The following PTPRN2 variants were observed in gnomAD, a reference collection of about 807,000 sequenced individuals.
PTPRN2 encodes receptor-type tyrosine-protein phosphatase N2.
Under a neutral mutation model 118.8 loss-of-function variants are expected in PTPRN2, and 74 were observed. The ratio of observed to expected loss-of-function variants is 0.62; its 90% CI spans 0.52 to 0.76. The LOEUF is 0.76. Among genes scored for constraint, PTPRN2 ranks in the 30% least tolerant of loss-of-function variants. The probability of loss-of-function intolerance (pLI) is 0.00; values close to 1 mark genes in which losing one functional copy is unlikely to be tolerated. For synonymous variants in PTPRN2, 641 were observed against 608.0 expected (o/e 1.05, Z -0.80); for missense variants, 1,481 against 1,394.4 (o/e 1.06, Z -0.99).
At chr7:158,415,045 C>T (rs201484381) in intron 2 of PTPRN2, among the ~76,000 whole-genome samples, 149 of 19,594 alleles carry the variant, frequency 7.6e-3, no homozygotes, top group African/African-American at 0.026. Flanking sequence ...CCAGCTACTT[C>T]TCTGATGATA....
rs537620647 is a variant in PTPRN2, at chr7:158,208,616, C to T, written c.278-3343G>A. Among the ~76,000 whole-genome samples the T allele has an allele frequency of 4.6e-5, 7 of 152,232 alleles. No homozygotes were observed. The East Asian group carries it at 7.7e-4, about 17-fold the overall frequency. ...CAGACAAACAAAAGCTGAAGGATTCCATCAACAGCAGACCTGTCCTATAAG... is the reference window on the plus strand; with the variant it reads ...CAGACAAACAAAAGCTGAAGGATTCTATCAACAGCAGACCTGTCCTATAAG... On this transcript the variant is annotated intron_variant, in intron 3 of 22. Coordinates refer to ENST00000389418, the MANE Select transcript of PTPRN2 (RefSeq NM_002847.5).
rs149313027 is a variant in PTPRN2 at position 158,043,535 on chromosome 7, A to G, written c.1723+37763T>C. Among the ~76,000 whole-genome samples the G allele has an allele frequency of 5.8e-3, 878 of 152,240 alleles. 14 individuals are homozygous for G. The highest frequency in any genetic ancestry group is 0.02 in the African/African-American group (837 of 41,486). Reference sequence around the variant, plus strand: ...TCAACAAAAATACTCACCAACAATAATATCTCCCCAGCACCAAGCTCCTGC... The same window carrying G: ...TCAACAAAAATACTCACCAACAATAGTATCTCCCCAGCACCAAGCTCCTGC... On this transcript the variant is annotated intron_variant, in intron 11 of 22. Transcript: ENST00000389418.
chr7:157,851,596 C>A (rs929280668), intron 12 of PTPRN2, among the ~76,000 whole-genome samples: 1 of 151,226 alleles, frequency 6.6e-6, no homozygotes, highest in African/African-American at 2.5e-5. Context: ...GAGGGACTGG[C>A]CAGGGCACAC....
At chr7:157,858,092 ACACTC>A (rs1809883542) in intron 12 of PTPRN2, among the ~76,000 whole-genome samples, 1 of 99,472 alleles carries the variant, frequency 1.0e-5, no homozygotes, top group Non-Finnish European at 2.1e-5. Flanking sequence ...GTCACCACCC[ACACTC>A]CTGCAGGGAG....
chr7:157,960,745 G>T (rs1355951090), intron 11 of PTPRN2, among the ~76,000 whole-genome samples: 1 of 152,214 alleles, frequency 6.6e-6, no homozygotes, highest in Non-Finnish European at 1.5e-5. Flanking sequence ...GGTGGCTTAC[G>T]CCTGTAATCC....
chr7:158,490,487 G>C (rs1212250814), intron 1 of PTPRN2, among the ~76,000 whole-genome samples: 2 of 152,212 alleles, frequency 1.3e-5, no homozygotes, highest in African/African-American at 2.4e-5. Context: ...CATCCCCCGC[G>C]GCCGAGCAGG....
At chr7:158,074,587 C>T (rs1298729287) in intron 11 of PTPRN2, among the ~76,000 whole-genome samples, 1 of 152,062 alleles carries the variant, frequency 6.6e-6, no homozygotes, top group Non-Finnish European at 1.5e-5. Flanking sequence ...CCACCTGTGA[C>T]AGTCAGCCCC....
intron 1 of PTPRN2, among the ~76,000 whole-genome samples, chr7:158,497,164 GCCCCCTCCCCCTTCCCTGTA>G: frequency 8.9e-5 from 1 of 11,286 alleles, no homozygotes; most frequent in East Asian, 1.9e-3. Context: ...CCTTCCCTGA[GCCCCCTCCCCCTTCCCTGTA>G]CCCCTTCCCC....
At chr7:157,890,266 G>A (rs949499297) in intron 12 of PTPRN2, among the ~76,000 whole-genome samples, 3 of 152,130 alleles carry the variant, frequency 2.0e-5, no homozygotes, top group Non-Finnish European at 4.4e-5. Context: ...TGGAGTGTAC[G>A]TATATGAGTT....
Position 157,765,492 on chromosome 7 carries a change from CCCAT to C in PTPRN2, c.1789-82559_1789-82556del, listed in dbSNP as rs544548517. 5.5e-3 allele frequency among the ~76,000 whole-genome samples: 771 copies of C among 140,800 alleles called. 2 individuals are homozygous for C. Among genetic ancestry groups the C allele is most frequent in the Non-Finnish European group, 8.6e-3 (552 of 64,414 alleles). 92.4% of individuals were successfully genotyped at this position (140,800 alleles called of 152,430 possible). A position where few individuals can be genotyped will look rare whatever the true frequency, so the allele number is the denominator to read the frequency against. ...CTTCTTTCATCCACCCACACACCCA[CCCAT>C]CCATCCATCCTTCCTCCATCCATTC... On this transcript the variant is annotated intron_variant, in intron 12 of 22. Coordinates refer to ENST00000389418, the MANE Select transcript of PTPRN2 (RefSeq NM_002847.5).
intron 9 of PTPRN2, among the ~76,000 whole-genome samples, chr7:158,131,831 T>G (rs1035989410): frequency 7.0e-6 from 1 of 142,172 alleles, no homozygotes; most frequent in Admixed American, 7.0e-5. Context: ...AATACACACA[T>G]CTACCCAACA....
At chr7:157,878,946 C>A (rs112856169) in intron 12 of PTPRN2, among the ~76,000 whole-genome samples, 2 of 112,206 alleles carry the variant, frequency 1.8e-5, no homozygotes, top group African/African-American at 3.6e-5. Flanking sequence ...TGGGGCTTGA[C>A]GGGTCAGTGT....
At chr7:158,459,563 C>T (rs986592803) in intron 2 of PTPRN2, among the ~76,000 whole-genome samples, 4 of 152,198 alleles carry the variant, frequency 2.6e-5, no homozygotes, top group Non-Finnish European at 5.9e-5. Flanking sequence ...GCTTCTCTTT[C>T]TCCCACTACC....
At chr7:158,365,189 C>T (rs1432150052) in intron 2 of PTPRN2, among the ~76,000 whole-genome samples, 1 of 152,190 alleles carries the variant, frequency 6.6e-6, no homozygotes, top group Admixed American at 6.5e-5. Flanking sequence ...AGTGGGAAAC[C>T]GTCCTTGCGA....
At chr7:158,524,949 G>C (rs1824657014) in intron 1 of PTPRN2, among the ~76,000 whole-genome samples, 1 of 152,152 alleles carries the variant, frequency 6.6e-6, no homozygotes, top group Admixed American at 6.5e-5. Context: ...TGAGGCCACT[G>C]GGGGCTCCTC....
In PTPRN2 at chr7:158,070,998, CTCATGGTGGTGGAGGTG is replaced by C. The variant is rs1563388837; in HGVS notation, c.1723+10283_1723+10299del. On this transcript the variant is annotated intron_variant, in intron 11 of 22. Transcript: ENST00000389418. ...GGAGGTGCCCGTGGTGGTGGAGGTGCTCATGGTGGTGGAGGTGCTCGTGGTGGAGGTGCTCTTAGTAT... is the reference window on the plus strand; with the variant it reads ...GGAGGTGCCCGTGGTGGTGGAGGTGCCTCGTGGTGGAGGTGCTCTTAGTAT... Among the ~76,000 whole-genome samples the C allele has an allele frequency of 5.4e-5, 5 of 93,400 alleles. 1 individual carries two copies. Among genetic ancestry groups the C allele is most frequent in the African/African-American group, 1.5e-4 (3 of 19,592 alleles). The allele number at this position is 93,400 out of a possible 152,430, so 61.3% of individuals were successfully genotyped here. A position where few individuals can be genotyped will look rare whatever the true frequency, so the allele number is the denominator to read the frequency against.
intron 12 of PTPRN2, among the ~76,000 whole-genome samples, chr7:157,719,974 C>T (rs1460276755): frequency 6.6e-6 from 1 of 151,768 alleles, no homozygotes; most frequent in African/African-American, 2.4e-5. Flanking sequence ...ATAAATAAGA[C>T]ATGGTTCCTA....
rs148008955 is a variant in PTPRN2 at position 157,646,017 on chromosome 7, G to T, written c.2196+10340C>A. On this transcript the variant is annotated intron_variant, in intron 14 of 22. Transcript: ENST00000389418. ...TTCAGTTTAGAGATTAGCAGATGAA[G>T]GGCCTCCTTTCAGGGAAGAGAGTGG... is the stretch of plus-strand genomic sequence containing the variant. Among the ~76,000 whole-genome samples the T allele has an allele frequency of 1.8e-3, 279 of 152,382 alleles. 1 individual carries two copies. The highest frequency in any genetic ancestry group is 3.2e-3 in the Non-Finnish European group (219 of 68,044).
chr7:158,010,584 A>G (rs114886632), intron 11 of PTPRN2, among the ~76,000 whole-genome samples: 2,397 of 152,340 alleles, frequency 0.016, 66 homozygotes, highest in African/African-American at 0.054. Context: ...ATGAGAAACT[A>G]TGGAAAAAAA....
Sources: gnomAD v4.1 joint callset for allele counts (sites outside exome capture counted in the v4.1 genomes callset) on GRCh38, gnomAD v4.1.1 for gene constraint, MANE v1.5 for transcripts, NCBI Gene and HGNC (gene_info 2026-07-23, HGNC 2026-07-21) for gene names.